ARHGAP23: variants seen among roughly 807,000 people sequenced by gnomAD.
The protein encoded by ARHGAP23 is Rho GTPase activating protein 23.
In ARHGAP23, 34 loss-of-function variants were observed where a neutral mutation model predicts 136.3. The observed-to-expected ratio is 0.25, with a 90% CI of 0.19 to 0.33. ARHGAP23 has a LOEUF of 0.33. Among genes scored for constraint, ARHGAP23 ranks in the 10% least tolerant of loss-of-function variants. The probability of loss-of-function intolerance (pLI) is 1.00; values close to 1 mark genes in which losing one functional copy is unlikely to be tolerated. For synonymous variants in ARHGAP23, 832 were observed against 920.5 expected (o/e 0.90, Z 1.74); for missense variants, 1,808 against 2,139.0 (o/e 0.85, Z 3.05).
At chr17:38,435,623 GAC>G (rs1271526398) in intron 1 of ARHGAP23, among the ~76,000 whole-genome samples, 1 of 152,210 alleles carries the variant, frequency 6.6e-6, no homozygotes, top group Non-Finnish European at 1.5e-5. Context: ...TTGTTTTCGA[GAC>G]AGAGTCTCGC....
intron 12 of ARHGAP23, among the ~76,000 whole-genome samples, chr17:38,478,185 G>A (rs1033382422): frequency 2.0e-5 from 3 of 152,188 alleles, no homozygotes; most frequent in Non-Finnish European, 4.4e-5. Flanking sequence ...AGCAGGCTCC[G>A]GTGTGGAGTG....
Position 38,510,501 on chromosome 17 carries a change from G to C in ARHGAP23, c.4005G>C (p.Arg1335=), listed in dbSNP as rs1442197369. Reference sequence around the variant, plus strand: ...GCCCAGACGGCGAGGGCGCGGGCCGGGGCGGTCCCCGCGCCCCGGAGCCGC... The same window carrying C: ...GCCCAGACGGCGAGGGCGCGGGCCGCGGCGGTCCCCGCGCCCCGGAGCCGC... The part of the protein sequence containing the change: ...RGRPDGEGAG[R]GGPRAPEPPG... Residue 1335 remains arginine, a synonymous_variant, in exon 24 of 24, where the codon CGG becomes CGC. Transcript: ENST00000622683. This position sits in a 1 kb window ranked among gnomAD's most constrained non-coding sequence, Gnocchi z 4.6. 2 of 1,151,082 alleles carry C rather than the reference G, an allele frequency of 1.7e-6. No individual in the cohort carries two copies. The highest frequency in any genetic ancestry group is 4.8e-5 in the Admixed American group (1 of 20,770). 71.3% of individuals were successfully genotyped at this position (1,151,082 alleles called of 1,614,324 possible). A position where few individuals can be genotyped will look rare whatever the true frequency, so the allele number is the denominator to read the frequency against.
intron 1 of ARHGAP23, among the ~76,000 whole-genome samples, chr17:38,435,689 C>T (rs557334959): frequency 1.3e-5 from 2 of 152,238 alleles, no homozygotes; most frequent in Admixed American, 1.3e-4. Context: ...TGCAACCTCT[C>T]CCGGGTTCAA....
chr17:38,459,050 GC>G (rs1042667097), intron 2 of ARHGAP23, among the ~76,000 whole-genome samples: 4 of 152,168 alleles, frequency 2.6e-5, no homozygotes, highest in Non-Finnish European at 5.9e-5. Flanking sequence ...GACAGAAGGG[GC>G]CCCAGGGAGC....
chr17:38,439,979 C>T lies in ARHGAP23; in HGVS notation c.63+11431C>T, dbSNP rs185796231. Among the ~76,000 whole-genome samples the T allele has an allele frequency of 1.9e-3, 282 of 151,830 alleles. 2 individuals are homozygous for T. The highest frequency in any genetic ancestry group is 1.7e-3 in the Non-Finnish European group (114 of 67,960). ...CTGACCTTAGGTGATCGGCCTGCCT[C>T]GGCCTCCTAGAGTGCTGGGATTACA... On this transcript the variant is annotated intron_variant, in intron 1 of 23. Transcript: ENST00000622683.
At chr17:38,444,460 C>T (rs931627559) in intron 1 of ARHGAP23, among the ~76,000 whole-genome samples, 1 of 152,028 alleles carries the variant, frequency 6.6e-6, no homozygotes, top group African/African-American at 2.4e-5. Context: ...CATGTGTGTG[C>T]TTGGTGGGTT....
chr17:38,425,894 C>G (rs184553429), upstream of ARHGAP23, among the ~76,000 whole-genome samples: 1 of 151,684 alleles, frequency 6.6e-6, no homozygotes, highest in Non-Finnish European at 1.5e-5. Context: ...GGGAGAGAGC[C>G]GCACTTTCTG....
At chr17:38,465,686 G>A (rs578065008) in intron 6 of ARHGAP23, among the ~76,000 whole-genome samples, 2 of 152,266 alleles carry the variant, frequency 1.3e-5, no homozygotes, top group East Asian at 1.9e-4. Context: ...CCCCATTCCC[G>A]GGGATGGAGG....
At chr17:38,421,328 C>T (rs1022358570) in intron 1 of ARHGAP23, among the ~76,000 whole-genome samples, 4 of 152,240 alleles carry the variant, frequency 2.6e-5, no homozygotes, top group African/African-American at 9.6e-5. Context: ...AGCACAGCAG[C>T]TCAGCCTGTC....
intron 23 of ARHGAP23, among the ~76,000 whole-genome samples, chr17:38,506,336 G>A (rs1175564726): frequency 1.3e-5 from 2 of 152,130 alleles, no homozygotes; most frequent in African/African-American, 4.8e-5. Flanking sequence ...CCAGCAAGTC[G>A]CCTGCTCCAG....
At chr17:38,501,523 G>A (rs889351534) in intron 23 of ARHGAP23, among the ~76,000 whole-genome samples, 1 of 150,482 alleles carries the variant, frequency 6.6e-6, no homozygotes. Flanking sequence ...GGATGGTCTT[G>A]ATCTCCTGAC....
In ARHGAP23 at chr17:38,421,159, A is replaced by G. The variant is rs142055870; in HGVS notation, n.120+1760A>G. Among the ~76,000 whole-genome samples the G allele has an allele frequency of 5.9e-5, 9 of 152,336 alleles. No homozygotes were observed. In the East Asian group the frequency reaches 1.5e-3, roughly 26 times the overall value. On this transcript the variant is annotated intron_variant and non_coding_transcript_variant, in intron 1 of 4. Coordinates refer to the ARHGAP23 transcript ENST00000633445. ...ACCCTCCCCTGGGAGGAGAAACATC[A>G]AGGGGAGTCAGGACATTGGGCTTCT...
intron 1 of ARHGAP23, among the ~76,000 whole-genome samples, chr17:38,421,852 T>TC (rs1403756687): frequency 6.6e-6 from 1 of 152,304 alleles, no homozygotes; most frequent in Non-Finnish European, 1.5e-5. Flanking sequence ...TCCTCTCTAA[T>TC]CCCTTCCCCT....
chr17:38,470,523 G>A (rs1487647336), intron 10 of ARHGAP23, among the ~76,000 whole-genome samples: 4 of 152,194 alleles, frequency 2.6e-5, no homozygotes, highest in African/African-American at 9.7e-5. Flanking sequence ...GCAGGATCAG[G>A]CCTGTGATAG....
At chr17:38,429,790 A>G (rs1398817064) in intron 1 of ARHGAP23, among the ~76,000 whole-genome samples, 1 of 152,172 alleles carries the variant, frequency 6.6e-6, no homozygotes, top group Middle Eastern at 3.4e-3. Flanking sequence ...CTTCATCTCT[A>G]TCCCCTGCAC....
intron 6 of ARHGAP23, among the ~76,000 whole-genome samples, chr17:38,465,004 G>C (rs1291171955): frequency 6.6e-6 from 1 of 152,102 alleles, no homozygotes; most frequent in Non-Finnish European, 1.5e-5. Context: ...AGTCGGGTGG[G>C]GGTGAGGGGG....
rs1489606258 is a variant in ARHGAP23 at position 38,469,837 on chromosome 17, C to T, written c.1917-10C>T. 8 of 1,551,522 alleles carry T rather than the reference C, an allele frequency of 5.2e-6. No homozygotes were observed. The highest frequency in any genetic ancestry group is 2.4e-5 in the East Asian group (1 of 40,926). On this transcript the variant is annotated splice_polypyrimidine_tract_variant and intron_variant, in intron 9 of 23. Coordinates refer to ENST00000622683, the MANE Select transcript of ARHGAP23 (RefSeq NM_001199417.2). The stretch of plus-strand genomic sequence containing the variant: ...GCCCACATCCCTCACCCTCGACCCT[C>T]GCTTTCCAGGCGCCTGCCAAACCGC...
upstream of ARHGAP23, chr17:38,428,395 C>CA (rs2038605346): frequency 9.9e-4 from 489 of 492,498 alleles, 3 homozygotes; most frequent in Middle Eastern, 0.013. Flanking sequence ...CCCCCCACAC[C>CA]GCGCTCGGCC....
In ARHGAP23 at chr17:38,445,233, G is replaced by A. The variant is rs530675880; in HGVS notation, c.64-12869G>A. On this transcript the variant is annotated intron_variant, in intron 1 of 23. Coordinates refer to ENST00000622683, the MANE Select transcript of ARHGAP23 (RefSeq NM_001199417.2). ...TGTAATCCCAGCACTTTGGGAAGCCGAGGTGGGCAGATCACGAGATCAGGA... is the reference window on the plus strand; with the variant it reads ...TGTAATCCCAGCACTTTGGGAAGCCAAGGTGGGCAGATCACGAGATCAGGA... Among the ~76,000 whole-genome samples the A allele has an allele frequency of 3.3e-5, 5 of 150,750 alleles. 1 individual carries two copies. In the South Asian group the frequency reaches 8.4e-4, roughly 25 times the overall value.
Sources: gnomAD v4.1 joint callset for allele counts (sites outside exome capture counted in the v4.1 genomes callset) on GRCh38, gnomAD v4.1.1 for gene constraint, Gnocchi (gnomAD v3.1) non-coding constraint, MANE v1.5 for transcripts, NCBI Gene and HGNC (gene_info 2026-07-23, HGNC 2026-07-21) for gene names.